Variants in AGBL4 observed in about 807,000 individuals in gnomAD.
AGBL4 encodes AGBL carboxypeptidase 4, also known as cytosolic carboxypeptidase 6.
A neutral mutation model predicts 66.4 loss-of-function variants in AGBL4; 58 were observed. The ratio of observed to expected loss-of-function variants is 0.87; its 90% CI spans 0.71 to 1.09. AGBL4 has a LOEUF of 1.09. Among genes scored for constraint, AGBL4 ranks in the 50% least tolerant of loss-of-function variants. The pLI is 0.00. For missense variants in AGBL4, 579 were observed against 631.0 expected (o/e 0.92, Z 0.88); for synonymous variants, 234 against 222.9 (o/e 1.05, Z -0.44).
chr1:49,791,742 G>T (rs574640373), intron 2 of AGBL4, among the ~76,000 whole-genome samples: 1 of 152,146 alleles, frequency 6.6e-6, no homozygotes, highest in East Asian at 1.9e-4. Context: ...TCTCATGATA[G>T]AAGACTCTCT....
In AGBL4 at chr1:49,851,426, G is replaced by A. The variant is rs991218819; in HGVS notation, c.127C>T (p.His43Tyr). 10 of 1,549,618 alleles carry A rather than the reference G, an allele frequency of 6.5e-6. No homozygotes were observed. In the African/African-American group the frequency reaches 1.1e-4, roughly 17 times the overall value. The change falls in exon 2 of 14, where the codon CAT becomes TAT. Residue 43 changes from histidine to tyrosine, a missense_variant. Transcript: ENST00000371839. ...TGYCGQPKKGHLIFDACFESG... is the reference protein window; with the variant it reads ...TGYCGQPKKGYLIFDACFESG... ...TCAAAGCAAGCATCAAAGATAAGAT[G>A]TCCTTTCTTGGGCTGTCCACAATAG...
intron 3 of AGBL4, among the ~76,000 whole-genome samples, chr1:49,587,377 C>T (rs1233786818): frequency 6.6e-6 from 1 of 152,072 alleles, no homozygotes; most frequent in African/African-American, 2.4e-5. Context: ...CCCACCTAGT[C>T]CAGGGGCCCC....
chr1:48,860,212 G>C (rs772496294), intron 6 of AGBL4, among the ~76,000 whole-genome samples: 1 of 152,116 alleles, frequency 6.6e-6, no homozygotes, highest in Non-Finnish European at 1.5e-5. Flanking sequence ...AAAAAGTAAA[G>C]AAGAAACTGT....
chr1:49,178,736 G>A (rs1646875484), intron 4 of AGBL4, among the ~76,000 whole-genome samples: 1 of 152,114 alleles, frequency 6.6e-6, no homozygotes, highest in African/African-American at 2.4e-5. Flanking sequence ...CAGTTACTGG[G>A]GTTGAGTGAG....
chr1:49,224,874 C>T (rs1649787601), intron 4 of AGBL4, among the ~76,000 whole-genome samples: 1 of 152,138 alleles, frequency 6.6e-6, no homozygotes, highest in African/African-American at 2.4e-5. Context: ...AATTGTAGCA[C>T]TGAGCCTTTT....
intron 2 of AGBL4, among the ~76,000 whole-genome samples, chr1:49,731,148 G>A (rs1649414049): frequency 1.3e-5 from 2 of 152,118 alleles, no homozygotes; most frequent in Non-Finnish European, 2.9e-5. Flanking sequence ...CAAGTTGTTG[G>A]CTCTTCTACT....
intron 6 of AGBL4, among the ~76,000 whole-genome samples, chr1:48,702,803 T>C (rs945048784): frequency 6.6e-6 from 1 of 152,130 alleles, no homozygotes; most frequent in Non-Finnish European, 1.5e-5. Flanking sequence ...GAAGTACAAA[T>C]TGCATTTGAT....
intron 2 of AGBL4, among the ~76,000 whole-genome samples, chr1:49,823,778 A>ATGTGTGTGTGTGTG (rs10528873): frequency 0.012 from 1,731 of 147,542 alleles, 20 homozygotes; most frequent in Non-Finnish European, 0.013. Flanking sequence ...AGGCTGCATA[A>ATGTGTGTGTGTGTG]TGTGTGTGTG....
At chr1:48,613,255 C>T (rs976551007) in intron 9 of AGBL4, among the ~76,000 whole-genome samples, 1 of 152,108 alleles carries the variant, frequency 6.6e-6, no homozygotes, top group African/African-American at 2.4e-5. Flanking sequence ...TAAGATCACA[C>T]AGCTAGTCTG....
chr1:48,820,945 TG>T (rs1350404305), intron 6 of AGBL4, among the ~76,000 whole-genome samples: 1 of 152,070 alleles, frequency 6.6e-6, no homozygotes, highest in Admixed American at 6.6e-5. Context: ...GGACAAAGGA[TG>T]TGAACAGATA....
intron 6 of AGBL4, among the ~76,000 whole-genome samples, chr1:48,837,045 A>G (rs976815543): frequency 2.7e-5 from 4 of 148,356 alleles, no homozygotes; most frequent in African/African-American, 7.3e-5. Flanking sequence ...ATGATAATAT[A>G]TAATTATTAA....
intron 1 of AGBL4, among the ~76,000 whole-genome samples, chr1:50,011,194 A>C (rs1661504400): frequency 6.6e-6 from 1 of 152,218 alleles, no homozygotes; most frequent in Non-Finnish European, 1.5e-5. Context: ...TATAGGAAAA[A>C]AGTCAGTAAT....
chr1:48,537,816 G>A (rs528508688), intron 12 of AGBL4, among the ~76,000 whole-genome samples: 33 of 152,160 alleles, frequency 2.2e-4, no homozygotes, highest in Non-Finnish European at 2.9e-4. Flanking sequence ...AGCTTTAAAC[G>A]TTTAAGAACT....
intron 2 of AGBL4, among the ~76,000 whole-genome samples, chr1:49,771,954 AT>A (rs1004713815): frequency 6.6e-6 from 1 of 152,052 alleles, no homozygotes; most frequent in African/African-American, 2.4e-5. Context: ...TCACTGGAGA[AT>A]TTATTCAATT....
chr1:48,662,193 C>T (rs899832465), intron 7 of AGBL4, among the ~76,000 whole-genome samples: 118 of 152,366 alleles, frequency 7.7e-4, no homozygotes, highest in African/African-American at 2.5e-3. Flanking sequence ...CAGATTCCCA[C>T]GGGGAAGGCG....
At chr1:48,869,859 C>G (rs1325667019) in intron 5 of AGBL4, among the ~76,000 whole-genome samples, 1 of 152,162 alleles carries the variant, frequency 6.6e-6, no homozygotes, top group Non-Finnish European at 1.5e-5. Context: ...CAGTCTTTCT[C>G]ACTAGATGAG....
chr1:48,751,432 C>T (rs1651714199), intron 6 of AGBL4, among the ~76,000 whole-genome samples: 1 of 152,196 alleles, frequency 6.6e-6, no homozygotes, highest in Admixed American at 6.5e-5. Context: ...CATGGCAAAG[C>T]AAGAGGGGCC....
chr1:49,190,501 T>C lies in AGBL4; in HGVS notation c.377+55269A>G, dbSNP rs149270038. Among the ~76,000 whole-genome samples the C allele has an allele frequency of 3.8e-3, 582 of 152,298 alleles. 1 individual carries two copies. The highest frequency in any genetic ancestry group is 5.2e-3 in the Non-Finnish European group (352 of 68,022). The stretch of plus-strand genomic sequence containing the variant: ...TCATCAGAGTAAAGGGTGGACTGTG[T>C]TCCTTTGGTCTCCTTTGTCCTTAAT... On this transcript the variant is annotated intron_variant, in intron 4 of 13. Transcript: ENST00000371839.
intron 2 of AGBL4, among the ~76,000 whole-genome samples, chr1:49,717,051 C>T (rs1018651432): frequency 6.6e-6 from 1 of 152,094 alleles, no homozygotes; most frequent in Non-Finnish European, 1.5e-5. Flanking sequence ...CCAAAATCTC[C>T]TTAAGCTGAT....
Sources: allele counts gnomAD v4.1 joint callset (sites outside exome capture counted in the v4.1 genomes callset), GRCh38; gene constraint gnomAD v4.1.1; transcripts MANE v1.5; gene names NCBI Gene and HGNC (gene_info 2026-07-23, HGNC 2026-07-21).